Variants in WDR70 observed in about 807,000 individuals in gnomAD.
WDR70 encodes the protein WD repeat domain 70.
A neutral mutation model predicts 88.6 loss-of-function variants in WDR70; 53 were observed. The observed-to-expected ratio is 0.60, with a 90% CI of 0.48 to 0.75. The LOEUF (loss-of-function observed/expected upper bound fraction) is 0.75, where lower values mean the gene tolerates loss of function less well. WDR70 is among the 30% of genes least tolerant of loss of function. WDR70 has a pLI of 0.00. For missense variants in WDR70, 610 were observed against 823.2 expected, an observed-to-expected ratio of 0.74 and a Z score of 3.17; for synonymous variants, 280 against 270.0, an observed-to-expected ratio of 1.04 and a Z score of -0.36.
intron 5 of WDR70, among the ~76,000 whole-genome samples, chr5:37,405,269 A>G (rs1749318269): frequency 6.6e-6 from 1 of 152,148 alleles, no homozygotes; most frequent in East Asian, 1.9e-4. Flanking sequence ...AATTTAAACA[A>G]TAGATATGTG....
rs192840265 is a variant in WDR70, at chr5:37,488,587, T to C, written c.840+8600T>C. On this transcript the variant is annotated intron_variant, in intron 8 of 17. Transcript: ENST00000265107. ...TCTTTCTTGTGCTTGATCTAGTCTCTTGTTGAAGCTTTCAGTTGTATTTTT... is the reference window on the plus strand; with the variant it reads ...TCTTTCTTGTGCTTGATCTAGTCTCCTGTTGAAGCTTTCAGTTGTATTTTT... Among the ~76,000 whole-genome samples the C allele has an allele frequency of 4.0e-5, 6 of 151,838 alleles. No individual in the cohort carries two copies. The East Asian group carries it at 1.2e-3, about 29-fold the overall frequency.
intron 5 of WDR70, among the ~76,000 whole-genome samples, chr5:37,421,583 T>G (rs969937508): frequency 6.6e-6 from 1 of 152,230 alleles, no homozygotes; most frequent in African/African-American, 2.4e-5. Context: ...GTGCTACCTC[T>G]GATTTGTTAT....
intron 17 of WDR70, among the ~76,000 whole-genome samples, chr5:37,751,365 G>A (rs1393758285): frequency 2.0e-5 from 3 of 152,234 alleles, no homozygotes; most frequent in African/African-American, 2.4e-5. Flanking sequence ...ACTGGGTTGT[G>A]TATGGGGACA....
intron 8 of WDR70, among the ~76,000 whole-genome samples, chr5:37,499,962 A>G (rs1397330379): frequency 6.6e-6 from 1 of 152,196 alleles, no homozygotes; most frequent in African/African-American, 2.4e-5. Flanking sequence ...AAAAATTTCA[A>G]TAGCTTTTGG....
intron 8 of WDR70, among the ~76,000 whole-genome samples, chr5:37,485,258 C>T (rs34981953): frequency 0.057 from 8,651 of 152,230 alleles, 331 homozygotes; most frequent in Non-Finnish European, 0.087. Context: ...AGTCGATCCT[C>T]CTTGTTTTCA....
At chr5:37,485,009 C>T (rs1050143686) in intron 8 of WDR70, among the ~76,000 whole-genome samples, 3 of 152,130 alleles carry the variant, frequency 2.0e-5, no homozygotes, top group Non-Finnish European at 4.4e-5. Flanking sequence ...GGAGGAACTG[C>T]ATTGTCTTGG....
At chr5:37,420,250 A>G (rs572849490) in intron 5 of WDR70, among the ~76,000 whole-genome samples, 2 of 152,346 alleles carry the variant, frequency 1.3e-5, no homozygotes, top group South Asian at 4.1e-4. Flanking sequence ...CTTAGAAGCA[A>G]GAATCAGGTA....
chr5:37,507,404 A>T (rs1740595153), intron 8 of WDR70, among the ~76,000 whole-genome samples: 2 of 152,130 alleles, frequency 1.3e-5, no homozygotes, highest in South Asian at 4.2e-4. Context: ...AATATGTGAG[A>T]CATTGTTATT....
At position 37,404,154 on chromosome 5, in the gene WDR70, C is replaced by T. The variant is rs1489185726; in HGVS notation, c.492+7584C>T. ...TTCAGTATAACTGTAGTGGAACTTG[C>T]CTTAACTCCTGCAATTTGTATTATT... On this transcript the variant is annotated intron_variant, in intron 5 of 17. Transcript: ENST00000265107. Among the ~76,000 whole-genome samples, 8 of 152,128 alleles carry T rather than the reference C, an allele frequency of 5.3e-5. No individual in the cohort carries two copies. The East Asian group carries it at 1.5e-3, about 29-fold the overall frequency.
chr5:37,585,244 C>T (rs1743332777), intron 9 of WDR70, among the ~76,000 whole-genome samples: 1 of 152,122 alleles, frequency 6.6e-6, no homozygotes, highest in Non-Finnish European at 1.5e-5. Flanking sequence ...CCCGCCTCAG[C>T]CTCCCAAAGT....
intron 7 of WDR70, among the ~76,000 whole-genome samples, chr5:37,454,223 G>A (rs191783119): frequency 6.8e-4 from 103 of 152,226 alleles, no homozygotes; most frequent in African/African-American, 2.4e-3. Flanking sequence ...AACCCTATCA[G>A]TTCAGGGCAA....
intron 10 of WDR70, among the ~76,000 whole-genome samples, chr5:37,649,931 G>A (rs1433729206): frequency 1.4e-5 from 2 of 141,362 alleles, no homozygotes; most frequent in Admixed American, 1.4e-4. Flanking sequence ...TAGAGGCGGG[G>A]TTTCACTGTG....
chr5:37,621,358 C>A (rs1240567366), intron 10 of WDR70, among the ~76,000 whole-genome samples: 1 of 152,048 alleles, frequency 6.6e-6, no homozygotes, highest in Non-Finnish European at 1.5e-5. Flanking sequence ...TTAAAGCATA[C>A]AGTCGTTGAT....
At chr5:37,608,252 C>A (rs1009987435) in intron 10 of WDR70, among the ~76,000 whole-genome samples, 1 of 151,790 alleles carries the variant, frequency 6.6e-6, no homozygotes, top group African/African-American at 2.4e-5. Context: ...ATATTGGCCA[C>A]GTTGGTCTCA....
intron 9 of WDR70, among the ~76,000 whole-genome samples, chr5:37,588,526 C>T (rs1013398): frequency 0.47 from 71,167 of 151,764 alleles, 18,264 homozygotes; most frequent in Non-Finnish European, 0.58. Context: ...GCTCCCTCCC[C>T]CTTAACTTTC....
chr5:37,499,593 C>CTCTCTCTCTCTTTT (rs1554144054), intron 8 of WDR70, among the ~76,000 whole-genome samples: 9,029 of 49,914 alleles, frequency 0.18, 525 homozygotes, highest in South Asian at 0.39. Context: ...AATATTCTCT[C>CTCTCTCTCTCTTTT]TCTCTCTCTC....
At chr5:37,709,313 C>A (rs949818334) in intron 13 of WDR70, among the ~76,000 whole-genome samples, 1 of 152,162 alleles carries the variant, frequency 6.6e-6, no homozygotes, top group African/African-American at 2.4e-5. Flanking sequence ...TTTTGAATAA[C>A]ATGATATCAG....
intron 2 of WDR70, among the ~76,000 whole-genome samples, chr5:37,380,998 A>G (rs530836567): frequency 1.3e-5 from 2 of 152,284 alleles, no homozygotes; most frequent in Non-Finnish European, 2.9e-5. Flanking sequence ...AGTTGTCCAT[A>G]TGTTTGTGCC....
chr5:37,700,278 G>T (rs1581509322), intron 11 of WDR70: 1 of 152,092 alleles, frequency 6.6e-6, no homozygotes, highest in Non-Finnish European at 1.5e-5. Context: ...TTCTGTTCAG[G>T]AATTCGTCCT....
Sources: gnomAD v4.1 joint callset for allele counts (sites outside exome capture counted in the v4.1 genomes callset) on GRCh38, gnomAD v4.1.1 for gene constraint, MANE v1.5 for transcripts, NCBI Gene and HGNC (gene_info 2026-07-23, HGNC 2026-07-21) for gene names.